The following ASIC2 variants were observed in gnomAD, a reference collection of about 807,000 sequenced individuals.
ASIC2 encodes acid-sensing ion channel 2.
ASIC2 carries 25 observed loss-of-function variants against 57.3 expected under a neutral mutation model. The observed-to-expected ratio is 0.44, with a 90% CI of 0.32 to 0.61. The LOEUF (loss-of-function observed/expected upper bound fraction) is 0.61. Among genes scored for constraint, ASIC2 ranks in the 20% least tolerant of loss-of-function variants. ASIC2 has a pLI of 0.06. For synonymous variants in ASIC2, 319 were observed against 307.5 expected, an observed-to-expected ratio of 1.04 and a Z score of -0.39; for missense variants, 641 against 738.1, an observed-to-expected ratio of 0.87 and a Z score of 1.52.
At position 33,509,815 on chromosome 17, in the gene ASIC2, T is replaced by A. The variant is rs139344145; in HGVS notation, c.556-397748A>T. Among the ~76,000 whole-genome samples the A allele has an allele frequency of 4.1e-4, 63 of 152,342 alleles. No individual in the cohort carries two copies. In the East Asian group the frequency reaches 9.9e-3, roughly 24 times the overall value. ...GTGCTTTGAGTACTTAAGGAACTGGTGAAAGCAAGGCTAGACTGGGAGCCA... is the reference window on the plus strand; with the variant it reads ...GTGCTTTGAGTACTTAAGGAACTGGAGAAAGCAAGGCTAGACTGGGAGCCA... On this transcript the variant is annotated intron_variant, in intron 1 of 9. Transcript: ENST00000359872.
intron 1 of ASIC2, among the ~76,000 whole-genome samples, chr17:33,440,942 C>T (rs1240076881): frequency 1.3e-5 from 2 of 151,920 alleles, no homozygotes; most frequent in African/African-American, 2.4e-5. Flanking sequence ...CAGTCTGTGG[C>T]TTATGTTTTC....
chr17:33,391,197 G>A (rs185571413), intron 1 of ASIC2, among the ~76,000 whole-genome samples: 71 of 152,328 alleles, frequency 4.7e-4, no homozygotes, highest in Non-Finnish European at 7.8e-4. Context: ...TAGAAGGGGT[G>A]TATGGCCTTC....
intron 1 of ASIC2, among the ~76,000 whole-genome samples, chr17:33,287,831 AG>A (rs879318467): frequency 1.1e-4 from 16 of 152,172 alleles, no homozygotes; most frequent in Non-Finnish European, 1.8e-4. Flanking sequence ...TGGGGAGCAC[AG>A]GTGTCTGGGG....
At chr17:33,224,865 T>C (rs532851747) in intron 1 of ASIC2, among the ~76,000 whole-genome samples, 3 of 152,302 alleles carry the variant, frequency 2.0e-5, no homozygotes, top group African/African-American at 4.8e-5. Context: ...GGCAAAGCTA[T>C]AAGTATCAGG....
chr17:33,635,870 A>G (rs1188906295), intron 1 of ASIC2, among the ~76,000 whole-genome samples: 1 of 152,224 alleles, frequency 6.6e-6, no homozygotes, highest in African/African-American at 2.4e-5. Context: ...ATGCTAAGGC[A>G]CACACAAGGA....
intron 1 of ASIC2, among the ~76,000 whole-genome samples, chr17:33,330,162 G>A (rs1252530222): frequency 6.6e-6 from 1 of 152,166 alleles, no homozygotes; most frequent in Non-Finnish European, 1.5e-5. Context: ...CTCTCCTGCT[G>A]CTGAAGTCAG....
At chr17:33,300,430 C>T (rs1290586477) in intron 1 of ASIC2, among the ~76,000 whole-genome samples, 1 of 152,086 alleles carries the variant, frequency 6.6e-6, no homozygotes, top group Non-Finnish European at 1.5e-5. Context: ...CCAAAAAGGA[C>T]AGCAGGTCCT....
intron 1 of ASIC2, among the ~76,000 whole-genome samples, chr17:33,115,603 C>T (rs1223885473): frequency 2.0e-5 from 3 of 152,216 alleles, no homozygotes; most frequent in African/African-American, 7.2e-5. Context: ...GCCAGCTCCT[C>T]CTGATCAGGC....
chr17:33,832,608 G>C (rs1373833262), intron 1 of ASIC2, among the ~76,000 whole-genome samples: 1 of 152,198 alleles, frequency 6.6e-6, no homozygotes, highest in African/African-American at 2.4e-5. Context: ...CTGCTGCAAA[G>C]CTCCAAATCT....
intron 2 of ASIC2, among the ~76,000 whole-genome samples, chr17:33,101,278 C>T (rs1597577989): frequency 6.6e-6 from 1 of 152,264 alleles, no homozygotes; most frequent in South Asian, 2.1e-4. Flanking sequence ...ACGTGCTACC[C>T]GTGATAGCTG....
chr17:33,352,296 G>C (rs905673737), intron 1 of ASIC2, among the ~76,000 whole-genome samples: 17 of 152,074 alleles, frequency 1.1e-4, no homozygotes, highest in African/African-American at 3.9e-4. Flanking sequence ...GACTAGCCCT[G>C]TTCTCTCCTC....
intron 1 of ASIC2, among the ~76,000 whole-genome samples, chr17:33,612,127 A>C (rs1905430493): frequency 6.6e-6 from 1 of 152,184 alleles, no homozygotes; most frequent in African/African-American, 2.4e-5. Context: ...TCAGGCCTTC[A>C]ATGGATTAAA....
chr17:33,645,642 A>T (rs1454490933), intron 1 of ASIC2, among the ~76,000 whole-genome samples: 1 of 152,106 alleles, frequency 6.6e-6, no homozygotes, highest in African/African-American at 2.4e-5. Flanking sequence ...TTTACTCCTT[A>T]CCCATATTTT....
intron 1 of ASIC2, among the ~76,000 whole-genome samples, chr17:33,165,273 G>C (rs1905273077): frequency 6.6e-6 from 1 of 152,160 alleles, no homozygotes; most frequent in Admixed American, 6.5e-5. Flanking sequence ...GAGCAGGGAG[G>C]GGCTAATAGT....
At chr17:33,524,406 G>A (rs1914828761) in intron 1 of ASIC2, among the ~76,000 whole-genome samples, 1 of 152,198 alleles carries the variant, frequency 6.6e-6, no homozygotes, top group East Asian at 1.9e-4. Context: ...ACCAGAAGTG[G>A]GAGCTTGGTC....
chr17:33,837,689 A>T (rs968195053), intron 1 of ASIC2, among the ~76,000 whole-genome samples: 10 of 152,156 alleles, frequency 6.6e-5, no homozygotes, highest in Non-Finnish European at 1.3e-4. Flanking sequence ...GCCTTAATTC[A>T]TTCTCTACAG....
chr17:33,141,929 T>G (rs1904328023), intron 1 of ASIC2, among the ~76,000 whole-genome samples: 1 of 152,224 alleles, frequency 6.6e-6, no homozygotes, highest in African/African-American at 2.4e-5. Context: ...CTTAGGTGAA[T>G]GTACAAAATA....
chr17:33,482,330 C>T (rs1423518090), intron 1 of ASIC2, among the ~76,000 whole-genome samples: 1 of 152,200 alleles, frequency 6.6e-6, no homozygotes, highest in Non-Finnish European at 1.5e-5. Context: ...CCATGCTGTT[C>T]CCTCTGTTCA....
At chr17:33,607,005 T>C (rs1905248714) in intron 1 of ASIC2, among the ~76,000 whole-genome samples, 1 of 152,160 alleles carries the variant, frequency 6.6e-6, no homozygotes, top group Non-Finnish European at 1.5e-5. Flanking sequence ...GCAGAGCTAT[T>C]CTCTGGGGGA....
Sources: gnomAD v4.1 joint callset for allele counts (sites outside exome capture counted in the v4.1 genomes callset) on GRCh38, gnomAD v4.1.1 for gene constraint, MANE v1.5 for transcripts, NCBI Gene and HGNC (gene_info 2026-07-23, HGNC 2026-07-21) for gene names.